Variants in DOCK1 observed in about 807,000 individuals in gnomAD.
DOCK1 encodes dedicator of cytokinesis 1.
A neutral mutation model predicts 262.7 loss-of-function variants in DOCK1; 138 were observed. The observed-to-expected ratio is 0.53, with a 90% confidence interval of 0.46 to 0.61. The LOEUF is 0.61. DOCK1 is among the 20% of genes least tolerant of loss of function. The pLI, the probability that DOCK1 is intolerant of heterozygous loss-of-function variation, is 0.00. For synonymous variants in DOCK1, 866 were observed against 867.4 expected, an observed-to-expected ratio of 1.00 and a Z score of 0.03; for missense variants, 1,908 against 2,370.7, an observed-to-expected ratio of 0.80 and a Z score of 4.05.
At chr10:127,327,582 G>A (rs976528346) in intron 29 of DOCK1, among the ~76,000 whole-genome samples, 4 of 152,276 alleles carry the variant, frequency 2.6e-5, no homozygotes, top group Admixed American at 6.5e-5. Context: ...AACTTTCTCC[G>A]TAAAAAAGTT....
At chr10:127,358,812 T>C (rs2064269441) in intron 32 of DOCK1, among the ~76,000 whole-genome samples, 1 of 152,226 alleles carries the variant, frequency 6.6e-6, no homozygotes, top group African/African-American at 2.4e-5. Context: ...TCCCAGATTT[T>C]TGAACACCAG....
At chr10:126,911,023 T>C (rs922439456) in intron 1 of DOCK1, among the ~76,000 whole-genome samples, 5 of 152,194 alleles carry the variant, frequency 3.3e-5, no homozygotes, top group Admixed American at 3.3e-4. Flanking sequence ...ATACAGGTTT[T>C]AGTGTGAACC....
chr10:127,165,365 C>G (rs1243505904), intron 27 of DOCK1, among the ~76,000 whole-genome samples: 1 of 152,174 alleles, frequency 6.6e-6, no homozygotes, highest in Non-Finnish European at 1.5e-5. Context: ...TTGCCAAAGA[C>G]TAAAATCTTG....
At chr10:127,386,703 A>G (rs2066142302) in intron 38 of DOCK1, among the ~76,000 whole-genome samples, 1 of 152,054 alleles carries the variant, frequency 6.6e-6, no homozygotes, top group Non-Finnish European at 1.5e-5. Context: ...ATGTATTACA[A>G]TGTAATAATA....
chr10:126,935,831 C>T (rs1037872629), intron 1 of DOCK1, among the ~76,000 whole-genome samples: 36,514 of 152,206 alleles, frequency 0.24, 4,710 homozygotes, highest in African/African-American at 0.31. Flanking sequence ...GCCCTGCAGG[C>T]ATCTACTGCC....
chr10:127,116,475 A>G (rs2049186214), intron 25 of DOCK1, among the ~76,000 whole-genome samples: 1 of 152,290 alleles, frequency 6.6e-6, no homozygotes, highest in Middle Eastern at 3.4e-3. Flanking sequence ...ATTAGGAAAT[A>G]TTGAAGTCAG....
intron 1 of DOCK1, among the ~76,000 whole-genome samples, chr10:126,958,677 C>T (rs1435762868): frequency 6.6e-6 from 1 of 152,088 alleles, no homozygotes; most frequent in Admixed American, 6.6e-5. Flanking sequence ...TGCCACAGGG[C>T]TCTATGACAC....
rs190224218 is a variant in DOCK1 at position 127,021,855 on chromosome 10, A to T, written c.1328-1345A>T. Among the ~76,000 whole-genome samples, 318 of 152,128 alleles carry T rather than the reference A, an allele frequency of 2.1e-3. 6 individuals carry two copies. The highest frequency in any genetic ancestry group is 5.0e-3 in the Admixed American group (77 of 15,290). ...AAGAAAAAAAAAAGCCAAAACAAGA[A>T]AGCAAGGAGCAAAGAGAGTTATTTT... On this transcript the variant is annotated intron_variant, in intron 13 of 51. Transcript: ENST00000623213.
chr10:127,202,446 G>T (rs375756704), intron 27 of DOCK1, among the ~76,000 whole-genome samples: 1 of 152,134 alleles, frequency 6.6e-6, no homozygotes, highest in East Asian at 1.9e-4. Context: ...CTTCTGCCCC[G>T]GTGCACAGGA....
At position 127,425,333 on chromosome 10, in the gene DOCK1, G is replaced by A. The variant is rs568034962; in HGVS notation, c.4777-541G>A. Among the ~76,000 whole-genome samples the A allele has an allele frequency of 5.3e-5, 8 of 152,272 alleles. No individual in the cohort carries two copies. In the East Asian group the frequency reaches 7.7e-4, roughly 15 times the overall value. On this transcript the variant is annotated intron_variant, in intron 46 of 51. Transcript: ENST00000623213. Reference sequence around the variant, plus strand: ...AAAGGTCAGCTTCATCTCCACTCTCGGAAGTGAAGTGTTGGCATGGATATT... The same window carrying A: ...AAAGGTCAGCTTCATCTCCACTCTCAGAAGTGAAGTGTTGGCATGGATATT...
At chr10:127,201,219 T>C (rs1280320004) in intron 27 of DOCK1, among the ~76,000 whole-genome samples, 2 of 152,168 alleles carry the variant, frequency 1.3e-5, no homozygotes, top group Non-Finnish European at 2.9e-5. Context: ...TCATTCCCCT[T>C]GTCATATTCT....
chr10:127,360,860 C>G (rs1400831331), intron 32 of DOCK1, among the ~76,000 whole-genome samples: 2 of 152,166 alleles, frequency 1.3e-5, no homozygotes, highest in Non-Finnish European at 2.9e-5. Context: ...CACAGAACAG[C>G]TTTGGGTACA....
At position 127,061,613 on chromosome 10, in the gene DOCK1, A is replaced by G. The variant is rs2045535158; in HGVS notation, c.2337-55A>G. 2.7e-6 allele frequency: 4 copies of G among 1,471,926 alleles called. No individual in the cohort carries two copies. In the Admixed American group the frequency reaches 7.9e-5, roughly 29 times the overall value. The allele number at this position is 1,471,926 out of a possible 1,614,324, so 91.2% of individuals were successfully genotyped here. ...CCTTCATGGCTATAGACATGGATTC[A>G]AAAAATGTTGAGGTGTTTCTGCCAG... On this transcript the variant is annotated intron_variant, in intron 22 of 51. Transcript: ENST00000623213.
chr10:126,949,763 T>C (rs969598869), intron 1 of DOCK1, among the ~76,000 whole-genome samples: 157 of 152,220 alleles, frequency 1.0e-3, no homozygotes, highest in Admixed American at 2.7e-3. Flanking sequence ...TGACAGTCCT[T>C]GTATGATATT....
At chr10:127,218,277 C>T (rs2058295243) in intron 27 of DOCK1, among the ~76,000 whole-genome samples, 1 of 152,206 alleles carries the variant, frequency 6.6e-6, no homozygotes, top group Non-Finnish European at 1.5e-5. Context: ...CTGCTCATTT[C>T]CTTTTTACAC....
intron 29 of DOCK1, among the ~76,000 whole-genome samples, chr10:127,271,748 G>A (rs945099159): frequency 1.3e-5 from 2 of 152,172 alleles, no homozygotes; most frequent in Admixed American, 1.3e-4. Context: ...GAAAGAAGGT[G>A]TATCCCTAGG....
intron 40 of DOCK1, among the ~76,000 whole-genome samples, chr10:127,407,546 T>C (rs2067588870): frequency 6.6e-6 from 1 of 152,238 alleles, no homozygotes; most frequent in African/African-American, 2.4e-5. Flanking sequence ...TTCAGTGTCA[T>C]AGAATCTCTC....
At chr10:127,305,524 A>G (rs1590360928) in intron 29 of DOCK1, among the ~76,000 whole-genome samples, 2 of 152,192 alleles carry the variant, frequency 1.3e-5, no homozygotes, top group South Asian at 2.1e-4. Context: ...TGGTCCAGCC[A>G]TAAGGGCACA....
intron 29 of DOCK1, among the ~76,000 whole-genome samples, chr10:127,264,889 G>A (rs112358817): frequency 0.029 from 4,354 of 152,170 alleles, 222 homozygotes; most frequent in African/African-American, 0.099. Flanking sequence ...GGCTGGTCTC[G>A]AACTCCTGGG....
Sources: allele counts gnomAD v4.1 joint callset (sites outside exome capture counted in the v4.1 genomes callset), GRCh38; gene constraint gnomAD v4.1.1; transcripts MANE v1.5; gene names NCBI Gene and HGNC (gene_info 2026-07-23, HGNC 2026-07-21).